NUP98: variants seen among roughly 807,000 people sequenced by gnomAD.
The protein encoded by NUP98 is nuclear pore complex protein Nup98-Nup96.
In NUP98, 26 loss-of-function variants were observed where a neutral mutation model predicts 191.9. That is an observed-to-expected ratio of 0.14 (90% CI 0.10 to 0.19). The LOEUF (loss-of-function observed/expected upper bound fraction) is 0.19, where lower values mean the gene tolerates loss of function less well. Ranked by LOEUF, NUP98 falls within the 10% of genes least tolerant of loss-of-function variation. NUP98 has a pLI of 1.00. For missense variants in NUP98, 1,941 were observed against 2,178.8 expected (o/e 0.89, Z 2.17); for synonymous variants, 808 against 778.4 (o/e 1.04, Z -0.63).
intron 12 of NUP98, among the ~76,000 whole-genome samples, chr11:3,743,429 G>A (rs1369734881): frequency 1.0e-4 from 15 of 147,970 alleles, no homozygotes; most frequent in Non-Finnish European, 1.8e-4. Flanking sequence ...GGCGGATCAC[G>A]AGGTCAGGAG....
At chr11:3,709,996 T>TAA (rs2078986184) in intron 20 of NUP98, among the ~76,000 whole-genome samples, 1 of 90,146 alleles carries the variant, frequency 1.1e-5, no homozygotes. Flanking sequence ...AAAAAAAGTT[T>TAA]ACAAAAAAAA....
intron 11 of NUP98, among the ~76,000 whole-genome samples, chr11:3,748,599 G>A (rs1300397226): frequency 3.3e-5 from 5 of 152,118 alleles, no homozygotes; most frequent in Admixed American, 2.6e-4. Flanking sequence ...GAGGTCAGTC[G>A]TCCAAGACCA....
At chr11:3,720,992 G>GTC (rs1306013894) in intron 16 of NUP98, 167 bp from the exon 17 acceptor site, 2 of 480,856 alleles carry the variant, frequency 4.2e-6, no homozygotes, top group Admixed American at 7.3e-5. Context: ...GTGTGTGTGT[G>GTC]TGTGTGTGTG....
intron 2 of NUP98, among the ~76,000 whole-genome samples, chr11:3,780,689 G>A (rs1049379589): frequency 1.3e-5 from 2 of 151,782 alleles, no homozygotes; most frequent in East Asian, 1.9e-4. Flanking sequence ...TAATCCCCTC[G>A]CTTTGGCAGG....
Position 3,710,928 on chromosome 11 carries a change from T to C in NUP98, c.2742+1636A>G, listed in dbSNP as rs181864402. Among the ~76,000 whole-genome samples the C allele has an allele frequency of 5.5e-4, 84 of 152,320 alleles. 1 individual carries two copies. The East Asian group carries it at 0.012, about 21-fold the overall frequency. On this transcript the variant is annotated intron_variant, in intron 20 of 32. Transcript: ENST00000324932. Reference sequence around the variant, plus strand: ...CCAAAAGGTCAAAGACCATTTCCACTTCCTCAGTCAAAGCTACTTGCCCAT... The same window carrying C: ...CCAAAAGGTCAAAGACCATTTCCACCTCCTCAGTCAAAGCTACTTGCCCAT...
At chr11:3,684,825 T>C (rs1446312099) in intron 29 of NUP98, among the ~76,000 whole-genome samples, 2 of 135,268 alleles carry the variant, frequency 1.5e-5, no homozygotes, top group Non-Finnish European at 3.1e-5. Context: ...GTTAAGAGAG[T>C]ATCTTTATCC....
chr11:3,705,297 G>A lies in NUP98; in HGVS notation c.2985C>T (p.Arg995=), dbSNP rs778720832. The change falls in exon 22 of 33, where the codon CGC becomes CGT. Residue 995 remains arginine, a synonymous_variant. Coordinates refer to ENST00000324932, the MANE Select transcript of NUP98 (RefSeq NM_016320.5). ...EEDVDMALDQ[R]FSRLPSKADT... ...CTGCTTTGGAAGGCAGGCGACTGAA[G>A]CGTTGATCCAGTGCCATATCTACAT... is the stretch of plus-strand genomic sequence containing the variant. 2.5e-6 allele frequency: 4 copies of A among 1,614,018 alleles called. No homozygotes were observed. Among genetic ancestry groups the A allele is most frequent in the South Asian group, 2.2e-5 (2 of 91,080 alleles).
intron 1 of NUP98, among the ~76,000 whole-genome samples, chr11:3,788,832 A>G (rs1432935872): frequency 6.6e-6 from 1 of 151,916 alleles, no homozygotes; most frequent in Non-Finnish European, 1.5e-5. Flanking sequence ...CTGTCATCCC[A>G]GCTATTCGGG....
chr11:3,693,509 T>C, intron 26 of NUP98, 134 bp from the exon 27 acceptor site: 1 of 932,164 alleles, frequency 1.1e-6, no homozygotes, highest in Non-Finnish European at 1.6e-6. Context: ...ACAAATATAA[T>C]AAAATCTCAC....
chr11:3,741,439 T>C (rs2080283684), intron 12 of NUP98, among the ~76,000 whole-genome samples: 2 of 151,982 alleles, frequency 1.3e-5, no homozygotes, highest in African/African-American at 2.4e-5. Context: ...CTGGCCAACA[T>C]GGTGAAACCC....
chr11:3,766,267 T>C (rs1392436765), intron 8 of NUP98, among the ~76,000 whole-genome samples: 1 of 151,818 alleles, frequency 6.6e-6, no homozygotes. Context: ...CCCAGCTACT[T>C]GGGAGGTGAG....
chr11:3,788,548 G>A (rs193102505), intron 1 of NUP98, among the ~76,000 whole-genome samples: 157 of 152,138 alleles, frequency 1.0e-3, no homozygotes, highest in Middle Eastern at 0.01. Context: ...CCCAGATTGC[G>A]CCACTGCACT....
intron 12 of NUP98, among the ~76,000 whole-genome samples, chr11:3,736,281 G>T (rs2080057530): frequency 6.6e-6 from 1 of 152,114 alleles, no homozygotes; most frequent in Admixed American, 6.5e-5. Flanking sequence ...ACTCGAACTA[G>T]AAAGAAAATA....
chr11:3,794,105 T>A (rs1170762578), intron 1 of NUP98, among the ~76,000 whole-genome samples: 2 of 152,178 alleles, frequency 1.3e-5, no homozygotes, highest in Non-Finnish European at 2.9e-5. Flanking sequence ...GGGTATCTAA[T>A]GGGTAGAGGT....
chr11:3,758,252 C>A, intron 10 of NUP98, among the ~76,000 whole-genome samples: 1 of 150,880 alleles, frequency 6.6e-6, no homozygotes, highest in Non-Finnish European at 1.5e-5. Context: ...ACCCAGGAGG[C>A]AGGGCTTGCA....
intron 28 of NUP98, 21 bp downstream of exon 28, chr11:3,691,323 CAAT>C (rs2078303759): frequency 6.2e-7 from 1 of 1,613,806 alleles, no homozygotes; most frequent in Non-Finnish European, 8.5e-7. Context: ...ACTCAAGTGA[CAAT>C]AAAGCCTGGC....
chr11:3,789,495 CTATT>C (rs1244790800), intron 1 of NUP98, among the ~76,000 whole-genome samples: 93 of 146,526 alleles, frequency 6.3e-4, no homozygotes, highest in African/African-American at 2.2e-3. Flanking sequence ...ATTCATTTAC[CTATT>C]TCTTTTTTTT....
At chr11:3,760,656 AAAT>A in intron 9 of NUP98, 30 bp from the exon 10 acceptor site, 1 of 1,586,732 alleles carries the variant, frequency 6.3e-7, no homozygotes, top group Non-Finnish European at 8.6e-7. Flanking sequence ...GGAAAATTTA[AAAT>A]AATATTAAGA....
At chr11:3,724,993 T>C (rs2079560190) in intron 15 of NUP98, 110 bp downstream of exon 15, 1 of 576,124 alleles carries the variant, frequency 1.7e-6, no homozygotes, top group East Asian at 2.7e-5. Flanking sequence ...TTGTAATACT[T>C]CTATGTAATA....
Sources: allele counts gnomAD v4.1 joint callset (sites outside exome capture counted in the v4.1 genomes callset), GRCh38; gene constraint gnomAD v4.1.1; transcripts MANE v1.5; gene names NCBI Gene and HGNC (gene_info 2026-07-23, HGNC 2026-07-21).